CCBE1: variants seen among roughly 807,000 people sequenced by gnomAD.
The protein encoded by CCBE1 is collagen and calcium binding EGF domains 1.
Under a neutral mutation model 50.0 loss-of-function variants are expected in CCBE1, and 37 were observed. The ratio of observed to expected loss-of-function variants is 0.74; its 90% CI spans 0.57 to 0.97. The LOEUF is 0.97. CCBE1 is among the 50% of genes least tolerant of loss of function. The probability of loss-of-function intolerance (pLI) is 0.00; values close to 1 mark genes in which losing one functional copy is unlikely to be tolerated. For synonymous variants in CCBE1, 234 were observed against 203.7 expected, an observed-to-expected ratio of 1.15 and a Z score of -1.27; for missense variants, 538 against 523.8, an observed-to-expected ratio of 1.03 and a Z score of -0.26.
At chr18:59,471,536 T>C (rs114851583) in intron 3 of CCBE1, among the ~76,000 whole-genome samples, 4 of 152,260 alleles carry the variant, frequency 2.6e-5, no homozygotes, top group Non-Finnish European at 5.9e-5. Context: ...CTTGAATTAC[T>C]TGTACCTTCT....
chr18:59,586,510 T>C (rs78653155), intron 2 of CCBE1, among the ~76,000 whole-genome samples: 4,501 of 152,234 alleles, frequency 0.03, 226 homozygotes, highest in African/African-American at 0.1. Context: ...GAAGAAGTAA[T>C]GAGCTAGGAC....
intron 2 of CCBE1, among the ~76,000 whole-genome samples, chr18:59,682,814 C>T (rs954957899): frequency 6.6e-6 from 1 of 152,258 alleles, no homozygotes; most frequent in African/African-American, 2.4e-5. Context: ...TCAGTTCTAA[C>T]TTGCACATTG....
At chr18:59,530,703 A>C (rs1397070703) in intron 2 of CCBE1, among the ~76,000 whole-genome samples, 2 of 152,228 alleles carry the variant, frequency 1.3e-5, no homozygotes, top group African/African-American at 4.8e-5. Flanking sequence ...AATTCTCTGG[A>C]AAATCTGGCT....
At chr18:59,594,781 G>A (rs1054744358) in intron 2 of CCBE1, among the ~76,000 whole-genome samples, 1 of 152,028 alleles carries the variant, frequency 6.6e-6, no homozygotes, top group Non-Finnish European at 1.5e-5. Flanking sequence ...GGCATTCTAT[G>A]TGCAGTCCCA....
At chr18:59,624,333 G>A (rs1214806417) in intron 2 of CCBE1, among the ~76,000 whole-genome samples, 1 of 152,200 alleles carries the variant, frequency 6.6e-6, no homozygotes, top group Non-Finnish European at 1.5e-5. Flanking sequence ...TGCTGCAAAT[G>A]CAAGGGCATA....
chr18:59,613,863 GTTTTTTTT>G (rs34847608), intron 2 of CCBE1, among the ~76,000 whole-genome samples: 2 of 98,428 alleles, frequency 2.0e-5, no homozygotes, highest in Non-Finnish European at 1.9e-5. Flanking sequence ...TCTCTGATGG[GTTTTTTTT>G]TTTTTTTTTT....
chr18:59,658,145 C>G (rs2054216046), intron 2 of CCBE1, among the ~76,000 whole-genome samples: 1 of 149,574 alleles, frequency 6.7e-6, no homozygotes, highest in Admixed American at 6.7e-5. Context: ...ATTCATATGG[C>G]TACTGTGAGG....
At chr18:59,505,928 T>A (rs1315694148) in intron 2 of CCBE1, among the ~76,000 whole-genome samples, 3 of 152,164 alleles carry the variant, frequency 2.0e-5, no homozygotes, top group Non-Finnish European at 4.4e-5. Flanking sequence ...GGAACTAAAG[T>A]ACAAATATGT....
intron 2 of CCBE1, among the ~76,000 whole-genome samples, chr18:59,672,915 G>A (rs954413660): frequency 2.0e-5 from 3 of 152,020 alleles, no homozygotes; most frequent in Non-Finnish European, 2.9e-5. Flanking sequence ...TATATTGCTC[G>A]GGTGATAGGT....
At chr18:59,595,899 C>T (rs2053343776) in intron 2 of CCBE1, among the ~76,000 whole-genome samples, 2 of 152,174 alleles carry the variant, frequency 1.3e-5, no homozygotes, top group South Asian at 4.1e-4. Flanking sequence ...TTGCTACCTC[C>T]AAGAAGTGAC....
chr18:59,514,648 A>G (rs1398407289), intron 2 of CCBE1, among the ~76,000 whole-genome samples: 2 of 149,986 alleles, frequency 1.3e-5, no homozygotes, highest in Non-Finnish European at 3.0e-5. Context: ...TTTCCTTGAA[A>G]AAAAAAAAAA....
At chr18:59,628,284 C>T (rs1018253089) in intron 2 of CCBE1, among the ~76,000 whole-genome samples, 7 of 152,108 alleles carry the variant, frequency 4.6e-5, no homozygotes, top group Non-Finnish European at 8.8e-5. Flanking sequence ...GTAAATATTA[C>T]ACAAGGATCC....
At chr18:59,696,209 T>C (rs2054801808) in intron 2 of CCBE1, among the ~76,000 whole-genome samples, 1 of 152,184 alleles carries the variant, frequency 6.6e-6, no homozygotes, top group African/African-American at 2.4e-5. Context: ...ACAGCCACAC[T>C]CTGCCCCAAC....
chr18:59,549,906 A>G (rs1568200887), intron 2 of CCBE1, among the ~76,000 whole-genome samples: 1 of 152,206 alleles, frequency 6.6e-6, no homozygotes, highest in Non-Finnish European at 1.5e-5. Flanking sequence ...TCATGCAGAT[A>G]AGCAAGCTGA....
chr18:59,443,197 G>A (rs1165521466), intron 7 of CCBE1, among the ~76,000 whole-genome samples: 1 of 152,182 alleles, frequency 6.6e-6, no homozygotes, highest in Non-Finnish European at 1.5e-5. Context: ...ACAGAGAGTT[G>A]TAAACAGCCG....
chr18:59,694,113 A>AC (rs999346258), intron 2 of CCBE1, among the ~76,000 whole-genome samples: 18 of 151,782 alleles, frequency 1.2e-4, no homozygotes, highest in African/African-American at 4.1e-4. Context: ...CTCATGACCC[A>AC]CCCACCTCCG....
chr18:59,526,692 G>A (rs1398312945), intron 2 of CCBE1, among the ~76,000 whole-genome samples: 1 of 152,194 alleles, frequency 6.6e-6, no homozygotes, highest in Non-Finnish European at 1.5e-5. Context: ...GCATTCCAGA[G>A]ATTCTGGTAT....
chr18:59,492,524 C>T (rs1280835440), intron 2 of CCBE1, among the ~76,000 whole-genome samples: 3 of 152,142 alleles, frequency 2.0e-5, no homozygotes, highest in Non-Finnish European at 4.4e-5. Context: ...GACACATGCC[C>T]TCCCTCCCTC....
At chr18:59,661,815 A>C (rs1209305230) in intron 2 of CCBE1, among the ~76,000 whole-genome samples, 1 of 151,880 alleles carries the variant, frequency 6.6e-6, no homozygotes, top group Non-Finnish European at 1.5e-5. Flanking sequence ...TAAAATACAA[A>C]AACTAGCGGG....
Sources: gnomAD v4.1 joint callset for allele counts (sites outside exome capture counted in the v4.1 genomes callset) on GRCh38, gnomAD v4.1.1 for gene constraint, MANE v1.5 for transcripts, NCBI Gene and HGNC (gene_info 2026-07-23, HGNC 2026-07-21) for gene names.